SGCZ: variants seen among roughly 807,000 people sequenced by gnomAD.
The protein encoded by SGCZ is sarcoglycan zeta, also known as zeta-sarcoglycan.
SGCZ carries 40 observed loss-of-function variants against 41.3 expected under a neutral mutation model. The observed-to-expected ratio is 0.97, with a 90% CI of 0.75 to 1.26. SGCZ has a LOEUF of 1.26. Among genes scored for constraint, SGCZ ranks in the 50% most tolerant of loss-of-function variants. The probability of loss-of-function intolerance (pLI) is 0.00; values close to 1 mark genes in which losing one functional copy is unlikely to be tolerated. For missense variants in SGCZ, 552 were observed against 369.8 expected (o/e 1.49, Z -4.04); for synonymous variants, 206 against 137.5 (o/e 1.50, Z -3.49).
intron 4 of SGCZ, among the ~76,000 whole-genome samples, chr8:14,194,687 T>A (rs986590350): frequency 1.3e-5 from 2 of 152,054 alleles, no homozygotes; most frequent in Non-Finnish European, 2.9e-5. Flanking sequence ...AAATATATAA[T>A]TCTGGTTTTC....
intron 4 of SGCZ, among the ~76,000 whole-genome samples, chr8:14,166,987 TTCA>T (rs1465149399): frequency 6.6e-6 from 1 of 152,148 alleles, no homozygotes; most frequent in African/African-American, 2.4e-5. Flanking sequence ...CTACACTTTA[TTCA>T]TCATATTAGC....
At chr8:15,203,487 C>G (rs1267077894) in intron 1 of SGCZ, among the ~76,000 whole-genome samples, 1 of 152,118 alleles carries the variant, frequency 6.6e-6, no homozygotes, top group African/African-American at 2.4e-5. Context: ...AGATCTTGAT[C>G]TTGTAAATTT....
At chr8:14,477,155 A>T (rs1445192379) in intron 2 of SGCZ, among the ~76,000 whole-genome samples, 1 of 152,124 alleles carries the variant, frequency 6.6e-6, no homozygotes, top group Non-Finnish European at 1.5e-5. Context: ...ATTTACAGTA[A>T]TAGATTATAA....
intron 1 of SGCZ, among the ~76,000 whole-genome samples, chr8:14,977,534 T>C (rs1357642211): frequency 1.3e-5 from 2 of 152,216 alleles, no homozygotes. Flanking sequence ...GAGTTTATTA[T>C]GTTCCAGGCT....
At chr8:14,836,023 G>T (rs1802689179) in intron 1 of SGCZ, among the ~76,000 whole-genome samples, 1 of 152,042 alleles carries the variant, frequency 6.6e-6, no homozygotes, top group African/African-American at 2.4e-5. Context: ...AACCATTACT[G>T]CCTTCCTTGG....
intron 6 of SGCZ, among the ~76,000 whole-genome samples, chr8:14,105,892 C>T (rs899522975): frequency 4.0e-5 from 6 of 151,566 alleles, no homozygotes; most frequent in Non-Finnish European, 8.8e-5. Flanking sequence ...GTTACCAAAA[C>T]GTTAGAAATA....
chr8:15,038,828 A>G (rs1479871660), intron 1 of SGCZ, among the ~76,000 whole-genome samples: 24 of 140,978 alleles, frequency 1.7e-4, no homozygotes, highest in African/African-American at 3.5e-4. Context: ...AAAAAAAAAA[A>G]AAAAAAAAAA....
intron 2 of SGCZ, among the ~76,000 whole-genome samples, chr8:14,518,159 G>C (rs962480231): frequency 5.3e-5 from 8 of 151,606 alleles, no homozygotes; most frequent in Admixed American, 2.0e-4. Flanking sequence ...TCCCAGTAAG[G>C]TTTAAATTTT....
chr8:14,636,305 AT>A (rs750175611), intron 1 of SGCZ, among the ~76,000 whole-genome samples: 1 of 151,896 alleles, frequency 6.6e-6, no homozygotes, highest in Non-Finnish European at 1.5e-5. Flanking sequence ...AGATAAAATG[AT>A]TCCACTTCAC....
chr8:14,092,170 G>A (rs978710525), intron 7 of SGCZ, among the ~76,000 whole-genome samples: 3 of 151,924 alleles, frequency 2.0e-5, no homozygotes, highest in Non-Finnish European at 4.4e-5. Context: ...CTGTTCCATT[G>A]GTCTATAGAT....
chr8:15,201,831 C>G lies in SGCZ; in HGVS notation c.39+35754G>C, dbSNP rs572032463. On this transcript the variant is annotated intron_variant, in intron 1 of 7. Coordinates refer to ENST00000382080, the MANE Select transcript of SGCZ (RefSeq NM_139167.4). ...TTTTTTTCACAGCACAGTCATTTAT[C>G]TACCCTGACATCTCTATTTTTTCAG... Among the ~76,000 whole-genome samples, 3 of 152,272 alleles carry G rather than the reference C, an allele frequency of 2.0e-5. No homozygotes were observed. The East Asian group carries it at 5.8e-4, about 29-fold the overall frequency.
chr8:14,528,738 A>T (rs7837654), intron 2 of SGCZ, among the ~76,000 whole-genome samples: 1 of 148,832 alleles, frequency 6.7e-6, no homozygotes, highest in East Asian at 2.0e-4. Flanking sequence ...CCCAATTTCT[A>T]TTTCTGGGCT....
chr8:14,373,039 A>G (rs1052364301), intron 2 of SGCZ, among the ~76,000 whole-genome samples: 1 of 152,226 alleles, frequency 6.6e-6, no homozygotes, highest in Non-Finnish European at 1.5e-5. Context: ...TTTAGATTGC[A>G]AAGAACAGAA....
At chr8:14,317,361 G>A (rs772179795) in intron 3 of SGCZ, among the ~76,000 whole-genome samples, 1 of 151,944 alleles carries the variant, frequency 6.6e-6, no homozygotes, top group Non-Finnish European at 1.5e-5. Flanking sequence ...AAAGTTACAA[G>A]TGCCAAGATT....
chr8:14,127,266 T>C (rs1419740812), intron 5 of SGCZ, among the ~76,000 whole-genome samples: 1 of 152,168 alleles, frequency 6.6e-6, no homozygotes, highest in Non-Finnish European at 1.5e-5. Flanking sequence ...GTGTATTTTC[T>C]ATAAATCATT....
intron 2 of SGCZ, among the ~76,000 whole-genome samples, chr8:14,546,405 T>G (rs1469336572): frequency 6.6e-6 from 1 of 152,140 alleles, no homozygotes; most frequent in East Asian, 1.9e-4. Context: ...CTCAGCAAAA[T>G]ATAGTTTAAC....
At chr8:14,923,309 T>A (rs370759764) in intron 1 of SGCZ, among the ~76,000 whole-genome samples, 2 of 152,158 alleles carry the variant, frequency 1.3e-5, no homozygotes, top group Non-Finnish European at 2.9e-5. Context: ...AAGATGGAAA[T>A]TTTTTCCATT....
chr8:14,605,950 A>C (rs1173475916), intron 1 of SGCZ, among the ~76,000 whole-genome samples: 1 of 151,900 alleles, frequency 6.6e-6, no homozygotes, highest in Non-Finnish European at 1.5e-5. Context: ...TAATTAAATA[A>C]TGGCAGTTTC....
At chr8:14,553,528 G>A (rs1040116574) in intron 2 of SGCZ, among the ~76,000 whole-genome samples, 2 of 151,966 alleles carry the variant, frequency 1.3e-5, no homozygotes, top group East Asian at 1.9e-4. Context: ...AAATGGAACC[G>A]TGGCTCATTT....
Sources: allele counts gnomAD v4.1 joint callset (sites outside exome capture counted in the v4.1 genomes callset), GRCh38; gene constraint gnomAD v4.1.1; transcripts MANE v1.5; gene names NCBI Gene and HGNC (gene_info 2026-07-23, HGNC 2026-07-21).